Variants in KIRREL2 observed in about 807,000 individuals in gnomAD.
KIRREL2 encodes kirre like nephrin family adhesion molecule 2, also known as kin of IRRE-like protein 2.
Under a neutral mutation model 73.4 loss-of-function variants are expected in KIRREL2, and 56 were observed. The observed-to-expected ratio is 0.76, with a 90% confidence interval of 0.62 to 0.95. KIRREL2 has a LOEUF of 0.95. Among genes scored for constraint, KIRREL2 ranks in the 40% least tolerant of loss-of-function variants. The pLI is 0.00. For missense variants in KIRREL2, 896 were observed against 935.0 expected (o/e 0.96, Z 0.54); for synonymous variants, 407 against 404.0 (o/e 1.01, Z -0.09).
rs1973776684 is a variant in KIRREL2, at chr19:35,863,012, G to C, written c.1701G>C (p.Glu567Asp). ...CCAGTTCACGAGGTCCTGAAGAAGA[G>C]GAGACAGGCAGCCGCGAGGACCGGG... is the stretch of plus-strand genomic sequence containing the variant. ...DGSSSRGPEE[E>D]ETGSREDRGP... The change falls in exon 13 of 15, where the codon GAG becomes GAC. Residue 567 changes from glutamate to aspartate, a missense_variant. Physicochemically the swap from Glu to Asp is conservative, Grantham distance 45. Transcript: ENST00000360202. 1 of 1,588,918 alleles carries C rather than the reference G, an allele frequency of 6.3e-7. No individual in the cohort carries two copies. The highest frequency in any genetic ancestry group is 1.1e-5 in the South Asian group (1 of 86,966).
intron 13 of KIRREL2, among the ~76,000 whole-genome samples, chr19:35,864,179 G>T (rs1053761344): frequency 6.7e-6 from 1 of 149,500 alleles, no homozygotes; most frequent in Non-Finnish European, 1.5e-5. Flanking sequence ...GCCCGTTTTT[G>T]TTGTTGTTGT....
At chr19:35,863,344 A>G (rs1334591577) in intron 13 of KIRREL2, among the ~76,000 whole-genome samples, 1 of 151,868 alleles carries the variant, frequency 6.6e-6, no homozygotes, top group African/African-American at 2.4e-5. Flanking sequence ...GGATCCCTTG[A>G]GCACAGGAGG....
upstream of KIRREL2, chr19:35,851,785 G>A: frequency 1.9e-6 from 3 of 1,553,674 alleles, no homozygotes; most frequent in Non-Finnish European, 2.6e-6. Flanking sequence ...CTCACCTTCA[G>A]TCAGCAGCCC....
rs965172834 is a variant in KIRREL2, at chr19:35,861,394, C to T, written c.1189+140C>T. On this transcript the variant is annotated intron_variant, in intron 9 of 14. Coordinates refer to ENST00000360202, the MANE Select transcript of KIRREL2 (RefSeq NM_199180.4). ...GGCTGGAGACCGGACCTATTGAAGGCGAGGCTTTTAGGAGAATCGGAGTTT... is the reference window on the plus strand; with the variant it reads ...GGCTGGAGACCGGACCTATTGAAGGTGAGGCTTTTAGGAGAATCGGAGTTT... 7 of 1,468,190 alleles carry T rather than the reference C, an allele frequency of 4.8e-6. No individual in the cohort carries two copies. In the South Asian group the frequency reaches 8.5e-5, roughly 18 times the overall value. 90.9% of individuals were successfully genotyped at this position (1,468,190 alleles called of 1,614,324 possible). A position where few individuals can be genotyped will look rare whatever the true frequency, so the allele number is the denominator to read the frequency against.
At chr19:35,862,451 T>TC (rs752354086) in intron 11 of KIRREL2, 42 bp from the exon 12 acceptor site, 1 of 1,439,742 alleles carries the variant, frequency 6.9e-7, no homozygotes, top group East Asian at 2.3e-5. Context: ...GCTTCCTGGT[T>TC]CCCCCTCAGC....
intron 13 of KIRREL2, 93 bp from the exon 14 acceptor site, chr19:35,864,555 T>C: frequency 3.1e-6 from 3 of 972,062 alleles, no homozygotes; most frequent in Non-Finnish European, 4.9e-6. Flanking sequence ...CCCTCCTGCC[T>C]GGCCTCCACT....
intron 7 of KIRREL2, 26 bp from the exon 8 acceptor site, chr19:35,860,883 T>A: frequency 6.2e-7 from 1 of 1,612,814 alleles, no homozygotes; most frequent in Non-Finnish European, 8.5e-7. Flanking sequence ...GCCCCGGCCA[T>A]GTGACCCCTA....
rs2146863328 is a variant in KIRREL2 at position 35,861,039 on chromosome 19, A to G, written c.1056+3A>G. ...GGACCCGCCGCGGTGGCGCGCAGGT[A>G]CAGCCCTAAATCTGAGGCGGTGGCT... On this transcript the variant is annotated splice_donor_region_variant and intron_variant, in intron 8 of 14. Transcript: ENST00000360202. 2.5e-6 allele frequency: 4 copies of G among 1,611,130 alleles called. No individual in the cohort carries two copies. The highest frequency in any genetic ancestry group is 3.4e-6 in the Non-Finnish European group (4 of 1,179,110).
rs202029599 is a variant in KIRREL2, at chr19:35,859,608, C to T, written c.650C>T (p.Thr217Ile). The T allele has an allele frequency of 6.2e-7, 1 of 1,614,070 alleles. No homozygotes were observed. The highest frequency in any genetic ancestry group is 2.2e-5 in the East Asian group (1 of 44,878). Residue 217 changes from threonine (T) to isoleucine (I), a missense_variant, in exon 5 of 15, where the codon ACA becomes ATA. Transcript: ENST00000360202. Reference sequence around the variant, plus strand: ...CAGGCCCTGCCCACAGGAAGAGACACAGCTATCACACTGAGCCTGCAGTGT... The same window carrying T: ...CAGGCCCTGCCCACAGGAAGAGACATAGCTATCACACTGAGCCTGCAGTGT... ...RSQALPTGRD[T>I]AITLSLQYPP...
intron 14 of KIRREL2, 41 bp downstream of exon 14, chr19:35,864,754 G>GCCCCGCCTCTCCC: frequency 6.9e-7 from 1 of 1,449,362 alleles, no homozygotes; most frequent in Non-Finnish European, 9.7e-7. Context: ...ACTGTTGGGA[G>GCCCCGCCTCTCCC]AGGCGGGGCT....
At chr19:35,863,561 T>C (rs1364074106) in intron 13 of KIRREL2, among the ~76,000 whole-genome samples, 1 of 151,768 alleles carries the variant, frequency 6.6e-6, no homozygotes. Flanking sequence ...CAAGTGATTC[T>C]CTTGCCTCAG....
In KIRREL2 at chr19:35,862,535, C is replaced by T. The variant is rs1014252659; in HGVS notation, c.1553C>T (p.Ala518Val). 6.2e-6 allele frequency: 10 copies of T among 1,610,422 alleles called. No individual in the cohort carries two copies. Among genetic ancestry groups the T allele is most frequent in the Non-Finnish European group, 7.6e-6 (9 of 1,179,986 alleles). The change falls in exon 12 of 15, where the codon GCC (alanine) becomes GTC (valine). Residue 518 changes from alanine (A) to valine (V), a missense_variant. Coordinates refer to ENST00000360202, the MANE Select transcript of KIRREL2 (RefSeq NM_199180.4). The part of the protein sequence containing the change: ...TVRIVAGVAA[A>V]TTTLLMVITG... The stretch of plus-strand genomic sequence containing the variant: ...CGGATAGTGGCCGGAGTGGCCGCTG[C>T]CACCACAACTCTCCTTATGGTCATC...
At chr19:35,854,103 C>T (rs1339990582), upstream of KIRREL2, among the ~76,000 whole-genome samples, 4 of 152,000 alleles carry the variant, frequency 2.6e-5, no homozygotes, top group Non-Finnish European at 1.5e-5. Flanking sequence ...CCTTGGCCCC[C>T]CAAAGTGCTG....
At chr19:35,854,544 A>AACTCCTGACCTCAGGTGATCAGCCTG (rs1973363506), upstream of KIRREL2, among the ~76,000 whole-genome samples, 1 of 152,006 alleles carries the variant, frequency 6.6e-6, no homozygotes, top group African/African-American at 2.4e-5. Context: ...GCTGGTCTCG[A>AACTCCTGACCTCAGGTGATCAGCCTG]ACTCCTGACC....
upstream of KIRREL2, among the ~76,000 whole-genome samples, chr19:35,852,070 CTTTTTTTTCTTTTTTCTT>C (rs1973281510): frequency 6.7e-6 from 1 of 150,338 alleles, no homozygotes; most frequent in Non-Finnish European, 1.5e-5. Context: ...TTTAAAAAAA[CTTTTTTTTCTTTTTTCTT>C]TTTTTTTTCT....
chr19:35,859,752 T>C lies in KIRREL2; in HGVS notation c.673+121T>C, dbSNP rs1034697376. On this transcript the variant is annotated intron_variant, in intron 5 of 14. Coordinates refer to ENST00000360202, the MANE Select transcript of KIRREL2 (RefSeq NM_199180.4). ...GGAGCCTGGACTCCTGGATCTAAGA[T>C]AGCAGGAGAGGGCTGGGTATGGTAG... The C allele has an allele frequency of 9.3e-6, 11 of 1,178,598 alleles. No homozygotes were observed. The South Asian group carries it at 1.5e-4, about 16-fold the overall frequency. The allele number at this position is 1,178,598 out of a possible 1,614,324, so 73.0% of individuals were successfully genotyped here.
rs149649313 is a variant in KIRREL2, at chr19:35,862,733, C to T, written c.1615+136C>T. On this transcript the variant is annotated intron_variant, in intron 12 of 14. Transcript: ENST00000360202. Reference sequence around the variant, plus strand: ...CTGCACAGGGCTTAGCTCTCCTTCACGTTCTGGTTCCCTCCTTAAGCCCTA... The same window carrying T: ...CTGCACAGGGCTTAGCTCTCCTTCATGTTCTGGTTCCCTCCTTAAGCCCTA... The T allele has an allele frequency of 3.8e-5, 28 of 734,070 alleles. No individual in the cohort carries two copies. In the African/African-American group the frequency reaches 4.2e-4, roughly 11 times the overall value. 45.5% of individuals were successfully genotyped at this position (734,070 alleles called of 1,614,324 possible).
At chr19:35,856,835 C>T, upstream of KIRREL2, 1 of 509,792 alleles carries the variant, frequency 2.0e-6, no homozygotes, top group South Asian at 2.3e-5. This position sits in a 1 kb window ranked among gnomAD's most constrained non-coding sequence, Gnocchi z 5.9. Context: ...GGGAGTTTCT[C>T]AACGGGAAGA....
intron 14 of KIRREL2, among the ~76,000 whole-genome samples, 177 bp from the exon 15 acceptor site, chr19:35,865,980 T>C (rs1973946497): frequency 6.6e-6 from 1 of 152,178 alleles, no homozygotes. Flanking sequence ...CTCTTATCAC[T>C]GTTCCTCTGT....
Sources: allele counts gnomAD v4.1 joint callset (sites outside exome capture counted in the v4.1 genomes callset), GRCh38; gene constraint gnomAD v4.1.1; non-coding constraint Gnocchi (gnomAD v3.1); transcripts MANE v1.5; gene names NCBI Gene and HGNC (gene_info 2026-07-23, HGNC 2026-07-21).